Variants in SLCO5A1 observed in about 807,000 individuals in gnomAD.
SLCO5A1 encodes the protein solute carrier organic anion transporter family member 5A1.
Under a neutral mutation model 65.1 loss-of-function variants are expected in SLCO5A1, and 39 were observed. The observed-to-expected ratio is 0.60, with a 90% confidence interval of 0.46 to 0.78. The LOEUF (loss-of-function observed/expected upper bound fraction) is 0.78, where lower values mean the gene tolerates loss of function less well. Ranked by LOEUF, SLCO5A1 falls within the 30% of genes least tolerant of loss-of-function variation. The pLI, the probability that SLCO5A1 is intolerant of heterozygous loss-of-function variation, is 0.00. For missense variants in SLCO5A1, 1,029 were observed against 1,069.4 expected, an observed-to-expected ratio of 0.96 and a Z score of 0.53; for synonymous variants, 438 against 415.7, an observed-to-expected ratio of 1.05 and a Z score of -0.65.
intron 4 of SLCO5A1, among the ~76,000 whole-genome samples, chr8:69,753,453 A>C (rs371546463): frequency 3.3e-5 from 5 of 152,352 alleles, no homozygotes; most frequent in Admixed American, 1.3e-4. Flanking sequence ...GACCTCTGCC[A>C]TGAAAACAGT....
At chr8:69,775,969 G>A (rs1683884837) in intron 2 of SLCO5A1, among the ~76,000 whole-genome samples, 1 of 152,050 alleles carries the variant, frequency 6.6e-6, no homozygotes, top group African/African-American at 2.4e-5. Flanking sequence ...TGCCATGATT[G>A]TGCCACTGCA....
At chr8:69,772,968 C>T (rs1777130109) in intron 2 of SLCO5A1, 2 of 985,140 alleles carry the variant, frequency 2.0e-6, no homozygotes, top group Admixed American at 6.2e-5. Flanking sequence ...CAATTATATG[C>T]TGTGGACTGT....
At chr8:69,723,311 G>A (rs975563303) in intron 5 of SLCO5A1, among the ~76,000 whole-genome samples, 1 of 152,082 alleles carries the variant, frequency 6.6e-6, no homozygotes, top group Non-Finnish European at 1.5e-5. Context: ...GAGTGCAGTG[G>A]TGCGATCTTG....
chr8:69,677,029 TTTTTG>T (rs1461100309), intron 8 of SLCO5A1, among the ~76,000 whole-genome samples: 1,696 of 151,980 alleles, frequency 0.011, 25 homozygotes, highest in African/African-American at 0.039. Context: ...CTGCACGGTT[TTTTTG>T]TTTTTGTTTT....
chr8:69,696,372 C>T (rs1490645372), intron 6 of SLCO5A1, among the ~76,000 whole-genome samples: 2 of 152,122 alleles, frequency 1.3e-5, no homozygotes, highest in Admixed American at 6.5e-5. Context: ...CCTGCCCGAT[C>T]GAATCTCCAT....
In SLCO5A1 at chr8:69,832,989, T is replaced by A. The variant is rs1483769308; in HGVS notation, c.-316A>T. 5.6e-6 allele frequency: 2 copies of A among 354,938 alleles called. No homozygotes were observed. The highest frequency in any genetic ancestry group is 4.4e-5 in the African/African-American group (2 of 45,924). The allele number at this position is 354,938 out of a possible 1,614,324, so 22.0% of individuals were successfully genotyped here. A position where few individuals can be genotyped will look rare whatever the true frequency, so the allele number is the denominator to read the frequency against. On this transcript the variant is annotated 5_prime_UTR_variant, in exon 2 of 10. An upstream start codon of the reference 5' UTR is lost. Transcript: ENST00000260126. The surrounding 1 kb of genome is among the most constrained non-coding windows in gnomAD (Gnocchi z 4.5). Reference sequence around the variant, plus strand: ...AGGCGCCTCGCGCGTCCCGGGCTCATCCCCTCCGCCGCCGCCGCCGCCGCC... The same window carrying A: ...AGGCGCCTCGCGCGTCCCGGGCTCAACCCCTCCGCCGCCGCCGCCGCCGCC...
rs770191440 is a variant in SLCO5A1 at position 69,763,614 on chromosome 8, C to CAA, written c.908-1741_908-1740dup. ...CAGGCTAGGAAACAGAGCAAGACTC[C>CAA]AAAAAAAAAAAAAAAAAAAAAAAAA... On this transcript the variant is annotated intron_variant, in intron 2 of 9. Transcript: ENST00000260126. Among the ~76,000 whole-genome samples the CAA allele has an allele frequency of 4.0e-3, 53 of 13,168 alleles. 12 individuals are homozygous for CAA. Among genetic ancestry groups the CAA allele is most frequent in the Admixed American group, 6.9e-3 (4 of 578 alleles). 8.6% of individuals were successfully genotyped at this position (13,168 alleles called of 152,430 possible).
At chr8:69,818,572 G>A (rs569752960) in intron 2 of SLCO5A1, among the ~76,000 whole-genome samples, 1 of 152,324 alleles carries the variant, frequency 6.6e-6, no homozygotes, top group Non-Finnish European at 1.5e-5. Flanking sequence ...TACCATAAAT[G>A]CTACTAAAAA....
intron 8 of SLCO5A1, among the ~76,000 whole-genome samples, chr8:69,677,213 TC>T (rs1316968455): frequency 3.9e-5 from 6 of 152,170 alleles, no homozygotes; most frequent in Non-Finnish European, 1.5e-5. Context: ...GCATAAGCCC[TC>T]CAACCACATC....
At position 69,832,308 on chromosome 8, in the gene SLCO5A1, C is replaced by G; in HGVS notation, c.366G>C (p.Val122=). Residue 122 remains valine (V), a synonymous_variant, in exon 2 of 10, where the codon GTG becomes GTC. Coordinates refer to ENST00000260126, the MANE Select transcript of SLCO5A1 (RefSeq NM_030958.3). The surrounding 1 kb of genome is among the most constrained non-coding windows in gnomAD (Gnocchi z 4.5). The stretch of plus-strand genomic sequence containing the variant: ...GGAAGCAACGGGAATCCGTGAGGAC[C>G]ACGTAGAGGCACCTTCTCTCCTGGA... ...AMLQERRCLY[V]VLTDSRCFLV... The G allele has an allele frequency of 6.2e-7, 1 of 1,614,182 alleles. No homozygotes were observed. The highest frequency in any genetic ancestry group is 8.5e-7 in the Non-Finnish European group (1 of 1,180,034).
chr8:69,710,019 C>CTTT lies in SLCO5A1; in HGVS notation c.1424-4793_1424-4791dup, dbSNP rs33961429. Among the ~76,000 whole-genome samples the CTTT allele has an allele frequency of 3.5e-4, 43 of 122,858 alleles. 2 individuals are homozygous for CTTT. The highest frequency in any genetic ancestry group is 8.5e-4 in the African/African-American group (28 of 32,762). The allele number at this position is 122,858 out of a possible 152,430, so 80.6% of individuals were successfully genotyped here. On this transcript the variant is annotated intron_variant, in intron 5 of 9. Transcript: ENST00000260126. The stretch of plus-strand genomic sequence containing the variant: ...CAGAGTCCTGTGAAATCGGCAACAG[C>CTTT]TTTTTTTTTTTTTTTTTAGACAGAG...
chr8:69,724,555 A>G (rs1477505492), intron 5 of SLCO5A1, among the ~76,000 whole-genome samples: 1 of 152,226 alleles, frequency 6.6e-6, no homozygotes, highest in Non-Finnish European at 1.5e-5. Flanking sequence ...CAATGGAAAG[A>G]TGCCTCACCA....
intron 5 of SLCO5A1, among the ~76,000 whole-genome samples, chr8:69,709,702 G>A (rs1040266520): frequency 6.6e-6 from 1 of 152,066 alleles, no homozygotes; most frequent in Non-Finnish European, 1.5e-5. Flanking sequence ...TTTCTTTTCT[G>A]TATAATTGAA....
At chr8:69,816,875 G>T (rs1820434042) in intron 2 of SLCO5A1, among the ~76,000 whole-genome samples, 1 of 152,202 alleles carries the variant, frequency 6.6e-6, no homozygotes, top group Non-Finnish European at 1.5e-5. Context: ...TAGGCTGGGA[G>T]AAGTGACTTT....
intron 2 of SLCO5A1, among the ~76,000 whole-genome samples, chr8:69,789,895 T>C (rs1191194738): frequency 6.6e-6 from 1 of 151,974 alleles, no homozygotes; most frequent in African/African-American, 2.4e-5. Flanking sequence ...TTAAAATAAC[T>C]AAAAGAGGGT....
chr8:69,690,061 G>A (rs1007005389), intron 6 of SLCO5A1, among the ~76,000 whole-genome samples: 16 of 146,496 alleles, frequency 1.1e-4, no homozygotes, highest in African/African-American at 3.3e-4. Context: ...ACGGGGGGGC[G>A]CCAGGGGCCT....
rs1369959394 is a variant in SLCO5A1 at position 69,753,978 on chromosome 8, T to A, written c.1258+1446A>T. ...TTGCAGTAAGTGGAGATCACACCAC[T>A]GCACTCCAGCCTGGGTGACCTATCT... On this transcript the variant is annotated intron_variant, in intron 4 of 9. Coordinates refer to ENST00000260126, the MANE Select transcript of SLCO5A1 (RefSeq NM_030958.3). 2.9e-5 allele frequency among the ~76,000 whole-genome samples: 4 copies of A among 138,334 alleles called. No individual in the cohort carries two copies. The East Asian group carries it at 8.4e-4, about 29-fold the overall frequency. The allele number at this position is 138,334 out of a possible 152,430, so 90.8% of individuals were successfully genotyped here.
chr8:69,784,911 A>AAAGG (rs1563723063), intron 2 of SLCO5A1, among the ~76,000 whole-genome samples: 29 of 113,002 alleles, frequency 2.6e-4, no homozygotes, highest in African/African-American at 1.1e-3. Context: ...AGAAAGAAAG[A>AAAGG]AAGAAAGAAA....
At chr8:69,798,028 G>C (rs185494868) in intron 2 of SLCO5A1, among the ~76,000 whole-genome samples, 1 of 151,916 alleles carries the variant, frequency 6.6e-6, no homozygotes, top group Non-Finnish European at 1.5e-5. Flanking sequence ...TGTCTCCCCC[G>C]GACACCCAGC....
Sources: gnomAD v4.1 joint callset for allele counts (sites outside exome capture counted in the v4.1 genomes callset) on GRCh38, gnomAD v4.1.1 for gene constraint, Gnocchi (gnomAD v3.1) non-coding constraint, MANE v1.5 for transcripts, NCBI Gene and HGNC (gene_info 2026-07-23, HGNC 2026-07-21) for gene names.